Variants in C2 observed in about 807,000 individuals in gnomAD.
C2 encodes complement C2.
A neutral mutation model predicts 85.2 loss-of-function variants in C2; 64 were observed. That is an observed-to-expected ratio of 0.75 (90% CI 0.61 to 0.92). C2 has a LOEUF of 0.92. Among genes scored for constraint, C2 ranks in the 40% least tolerant of loss-of-function variants. The pLI, the probability that C2 is intolerant of heterozygous loss-of-function variation, is 0.00. For synonymous variants in C2, 311 were observed against 370.8 expected, an observed-to-expected ratio of 0.84 and a Z score of 1.85; for missense variants, 820 against 971.6, an observed-to-expected ratio of 0.84 and a Z score of 2.07.
chr6:31,911,329 A>AT (rs1768083610), intron 1 of C2, among the ~76,000 whole-genome samples: 1 of 152,172 alleles, frequency 6.6e-6, no homozygotes, highest in Admixed American at 6.6e-5. Context: ...ACATAAAAAA[A>AT]AAAATAAAAT....
intron 4 of C2, 35 bp downstream of exon 4, chr6:31,933,818 G>C: frequency 6.2e-7 from 1 of 1,613,574 alleles, no homozygotes; most frequent in Non-Finnish European, 8.5e-7. Flanking sequence ...AGATTCCTCG[G>C]CACACCCGGC....
chr6:31,909,310 A>AT lies in C2; in HGVS notation c.73+8180dup, dbSNP rs1025130140. 3.7e-4 allele frequency among the ~76,000 whole-genome samples: 56 copies of AT among 150,808 alleles called. 3 individuals carry two copies. The highest frequency in any genetic ancestry group is 1.1e-3 in the African/African-American group (47 of 41,072). On this transcript the variant is annotated intron_variant, in intron 1 of 3. Coordinates refer to the C2 transcript ENST00000452202. ...AAATTTTTAACGTATTATTATTATTATTTTTTTTTAGACAGGATCTCTGTT... is the reference window on the plus strand; with the variant it reads ...AAATTTTTAACGTATTATTATTATTATTTTTTTTTTAGACAGGATCTCTGTT...
At chr6:31,907,110 A>C (rs1018042575) in intron 1 of C2, among the ~76,000 whole-genome samples, 1 of 151,322 alleles carries the variant, frequency 6.6e-6, no homozygotes. Flanking sequence ...ACTGCACTCC[A>C]GCCTGGGTGA....
intron 9 of C2, among the ~76,000 whole-genome samples, chr6:31,940,039 G>C (rs564660044): frequency 6.6e-6 from 1 of 152,166 alleles, no homozygotes; most frequent in Non-Finnish European, 1.5e-5. Context: ...GTCTCCCAAG[G>C]TGCTGGGATT....
intron 2 of C2, 136 bp from the exon 3 acceptor site, chr6:31,928,596 T>C: frequency 1.2e-6 from 1 of 849,742 alleles, no homozygotes; most frequent in Middle Eastern, 2.3e-4. Context: ...TTTCACATGT[T>C]GCAACCTAAT....
At chr6:31,936,298 T>A (rs1770415557) in intron 7 of C2, 1 of 543,478 alleles carries the variant, frequency 1.8e-6, no homozygotes, top group African/African-American at 1.9e-5. Flanking sequence ...CTTCAATTCC[T>A]TCCAGTTGCC....
chr6:31,928,598 C>A, intron 2 of C2, 134 bp from the exon 3 acceptor site: 1 of 861,262 alleles, frequency 1.2e-6, no homozygotes, highest in Non-Finnish European at 1.8e-6. Context: ...TCACATGTTG[C>A]AACCTAATAT....
In C2 at chr6:31,909,924, C is replaced by T. The variant is rs191758742; in HGVS notation, c.73+8785C>T. Among the ~76,000 whole-genome samples, 42 of 151,466 alleles carry T rather than the reference C, an allele frequency of 2.8e-4. 2 individuals carry two copies. The East Asian group carries it at 3.1e-3, about 11-fold the overall frequency. On this transcript the variant is annotated intron_variant, in intron 1 of 3. Coordinates refer to the C2 transcript ENST00000452202. ...GAGACAGCGTCTCACTCTGTTGCCC[C>T]GGCTAGAGTACAGTGGTGCGATCTT... is the stretch of plus-strand genomic sequence containing the variant.
At chr6:31,913,938 CT>C (rs147277810) in intron 1 of C2, among the ~76,000 whole-genome samples, 7 of 147,346 alleles carry the variant, frequency 4.8e-5, no homozygotes, top group Non-Finnish European at 9.0e-5. Context: ...GTGCCTGGCC[CT>C]TTTTTTTTTA....
Position 31,927,931 on chromosome 6 carries a change from G to A in C2, c.47-24G>A, listed in dbSNP as rs764681579. 3 of 1,605,102 alleles carry A rather than the reference G, an allele frequency of 1.9e-6. No individual in the cohort carries two copies. In the African/African-American group the frequency reaches 4.0e-5, roughly 21 times the overall value. On this transcript the variant is annotated intron_variant, in intron 1 of 17. Transcript: ENST00000299367. The surrounding 1 kb of genome is among the most constrained non-coding windows in gnomAD (Gnocchi z 4.7). ...GTGTCTTCCTTCTTTCTCCATTGCTGTCTCCTTGTTCCCACGGCTCTAGGT... is the reference window on the plus strand; with the variant it reads ...GTGTCTTCCTTCTTTCTCCATTGCTATCTCCTTGTTCCCACGGCTCTAGGT...
rs1195618187 is a variant in C2 at position 31,944,091 on chromosome 6, T to G, written c.1811-44T>G. ...GTCCCCAAGCCAGGAACCTGGATTCTGGGTAAAAGGACCAGCACCAACATC... is the reference window on the plus strand; with the variant it reads ...GTCCCCAAGCCAGGAACCTGGATTCGGGGTAAAAGGACCAGCACCAACATC... On this transcript the variant is annotated intron_variant, in intron 14 of 17. Transcript: ENST00000299367. This position sits in a 1 kb window ranked among gnomAD's most constrained non-coding sequence, Gnocchi z 5.1. 6.3e-7 allele frequency: 1 copy of G among 1,594,198 alleles called. No homozygotes were observed. The highest frequency in any genetic ancestry group is 1.1e-5 in the South Asian group (1 of 90,732).
At chr6:31,926,522 C>T (rs9332731), upstream of C2, among the ~76,000 whole-genome samples, 2,283 of 151,942 alleles carry the variant, frequency 0.015, 37 homozygotes, top group Middle Eastern at 0.051. Context: ...TTAGTAGAGA[C>T]GGGGTTTCAC....
upstream of C2, among the ~76,000 whole-genome samples, chr6:31,923,862 C>T (rs374599887): frequency 1.3e-5 from 2 of 149,238 alleles, no homozygotes; most frequent in East Asian, 2.0e-4. Context: ...TGCAGTAGCG[C>T]GATCTCAGCT....
chr6:31,932,444 C>T (rs776654096), intron 3 of C2: 46 of 287,086 alleles, frequency 1.6e-4, no homozygotes, highest in Admixed American at 7.7e-4. Flanking sequence ...TCAGACGGGG[C>T]GGCCGGGCAG....
chr6:31,939,937 C>T (rs753266474), intron 9 of C2, among the ~76,000 whole-genome samples: 4 of 151,948 alleles, frequency 2.6e-5, no homozygotes, highest in Admixed American at 6.6e-5. Flanking sequence ...CCACCATGCC[C>T]GGCTCATTTT....
chr6:31,901,245 G>C, intron 1 of C2: 1 of 1,613,286 alleles, frequency 6.2e-7, no homozygotes, highest in Non-Finnish European at 8.5e-7. Flanking sequence ...TTCATGTTCC[G>C]TAGCGTTGCG....
At chr6:31,909,130 C>T (rs1004163853) in intron 1 of C2, among the ~76,000 whole-genome samples, 1 of 151,922 alleles carries the variant, frequency 6.6e-6, no homozygotes, top group African/African-American at 2.4e-5. Flanking sequence ...GGCCTTTTCA[C>T]TCAACATTAT....
upstream of C2, among the ~76,000 whole-genome samples, chr6:31,925,580 A>G (rs1196214752): frequency 6.6e-6 from 1 of 152,200 alleles, no homozygotes; most frequent in African/African-American, 2.4e-5. Context: ...GGTGTGAGCC[A>G]CTGTGCCCGG....
rs1051474646 is a variant in C2 at position 31,941,027 on chromosome 6, C to T, written c.1219+1707C>T. Among the ~76,000 whole-genome samples the T allele has an allele frequency of 3.3e-5, 5 of 152,330 alleles. No homozygotes were observed. The South Asian group carries it at 8.3e-4, about 25-fold the overall frequency. On this transcript the variant is annotated intron_variant, in intron 9 of 17. Transcript: ENST00000299367. Reference sequence around the variant, plus strand: ...TGGCACCACAGTCGGAGGACAGGCGCGGCCTGTTGTGTGGGTCCAGGGCCT... The same window carrying T: ...TGGCACCACAGTCGGAGGACAGGCGTGGCCTGTTGTGTGGGTCCAGGGCCT...
Sources: gnomAD v4.1 joint callset for allele counts (sites outside exome capture counted in the v4.1 genomes callset) on GRCh38, gnomAD v4.1.1 for gene constraint, Gnocchi (gnomAD v3.1) non-coding constraint, MANE v1.5 for transcripts, NCBI Gene and HGNC (gene_info 2026-07-23, HGNC 2026-07-21) for gene names.